Variants in CACNG3 observed in about 807,000 individuals in gnomAD.
CACNG3 encodes the protein voltage-dependent calcium channel gamma-3 subunit.
A neutral mutation model predicts 28.5 loss-of-function variants in CACNG3; 3 were observed. The observed-to-expected ratio is 0.11, with a 90% CI of 0.05 to 0.27. The LOEUF (loss-of-function observed/expected upper bound fraction) is 0.27. Ranked by LOEUF, CACNG3 falls within the 10% of genes least tolerant of loss-of-function variation. CACNG3 has a pLI of 1.00. For missense variants in CACNG3, 236 were observed against 414.4 expected, an observed-to-expected ratio of 0.57 and a Z score of 3.74; for synonymous variants, 174 against 162.2, an observed-to-expected ratio of 1.07 and a Z score of -0.55.
intron 1 of CACNG3, among the ~76,000 whole-genome samples, chr16:24,257,950 G>A (rs991953554): frequency 1.3e-5 from 2 of 152,156 alleles, no homozygotes; most frequent in Non-Finnish European, 2.9e-5. Flanking sequence ...GAAAGATAAG[G>A]AAGAAAATCA....
chr16:24,295,230 C>A (rs7198576), intron 1 of CACNG3, among the ~76,000 whole-genome samples: 119,708 of 152,108 alleles, frequency 0.79, 47,748 homozygotes, highest in African/African-American at 0.93. Context: ...ACTGGAGCCC[C>A]GATGTACTTC....
chr16:24,301,133 C>G (rs1187960248), intron 1 of CACNG3, among the ~76,000 whole-genome samples: 1 of 150,764 alleles, frequency 6.6e-6, no homozygotes, highest in Non-Finnish European at 1.5e-5. Flanking sequence ...ATCACTTGAA[C>G]CCAGGAGGCA....
intron 1 of CACNG3, among the ~76,000 whole-genome samples, chr16:24,332,059 G>A (rs970038114): frequency 2.0e-5 from 3 of 152,092 alleles, no homozygotes; most frequent in Non-Finnish European, 4.4e-5. Flanking sequence ...ATCTCTCTCT[G>A]GTAGAATATA....
chr16:24,346,324 C>A (rs1003705506), intron 1 of CACNG3, among the ~76,000 whole-genome samples: 1 of 152,130 alleles, frequency 6.6e-6, no homozygotes. Flanking sequence ...GTAATCCTAG[C>A]ACTTTGGGAG....
At chr16:24,307,079 T>G (rs1596636229) in intron 1 of CACNG3, among the ~76,000 whole-genome samples, 1 of 152,106 alleles carries the variant, frequency 6.6e-6, no homozygotes, top group Admixed American at 6.6e-5. Context: ...GGTATAGAGG[T>G]TCATCTAGCT....
chr16:24,328,209 C>G (rs151186316), intron 1 of CACNG3, among the ~76,000 whole-genome samples: 1 of 151,996 alleles, frequency 6.6e-6, no homozygotes, highest in African/African-American at 2.4e-5. Context: ...ATGGCATCAG[C>G]CTGGGGACAT....
intron 1 of CACNG3, among the ~76,000 whole-genome samples, chr16:24,300,726 G>A (rs372789725): frequency 3.6e-4 from 55 of 151,922 alleles, no homozygotes; most frequent in African/African-American, 1.3e-3. Flanking sequence ...GACCAGCCTG[G>A]CCAACATGGC....
At position 24,309,094 on chromosome 16, in the gene CACNG3, G is replaced by A. The variant is rs376636317; in HGVS notation, c.212-37640G>A. Reference sequence around the variant, plus strand: ...GTTACACAGCTAATAAAGCAGTGGCGGCTGGCTCTGAGTGCAGGCACTTAA... The same window carrying A: ...GTTACACAGCTAATAAAGCAGTGGCAGCTGGCTCTGAGTGCAGGCACTTAA... On this transcript the variant is annotated intron_variant, in intron 1 of 3. Transcript: ENST00000005284. 1.4e-4 allele frequency among the ~76,000 whole-genome samples: 21 copies of A among 152,174 alleles called. 1 individual carries two copies. The South Asian group carries it at 1.5e-3, about 11-fold the overall frequency.
At position 24,354,829 on chromosome 16, in the gene CACNG3, G is replaced by A. The variant is rs577456866; in HGVS notation, c.296-4G>A. On this transcript the variant is annotated splice_polypyrimidine_tract_variant and splice_region_variant and intron_variant, in intron 2 of 3. Coordinates refer to ENST00000005284, the MANE Select transcript of CACNG3 (RefSeq NM_006539.4). ...GGCAGAAGCCTCTCTCCTTCTCTCC[G>A]CAGGAGCTGTGAGGGCCTCCAGTGT... 181 of 1,611,738 alleles carry A rather than the reference G, an allele frequency of 1.1e-4. No homozygotes were observed. In the East Asian group the frequency reaches 3.5e-3, roughly 31 times the overall value.
intron 1 of CACNG3, among the ~76,000 whole-genome samples, chr16:24,282,362 C>T (rs1005578373): frequency 2.6e-5 from 4 of 152,074 alleles, no homozygotes; most frequent in East Asian, 1.9e-4. Context: ...GCGGGCTAAT[C>T]CTCCACCCAC....
chr16:24,321,953 G>T (rs1899466219), intron 1 of CACNG3, among the ~76,000 whole-genome samples: 1 of 152,216 alleles, frequency 6.6e-6, no homozygotes, highest in African/African-American at 2.4e-5. Context: ...ACTATTCGCA[G>T]TTTCAGACAT....
Position 24,312,955 on chromosome 16 carries a change from G to GAAAGAAAGAAAGAAAGAAAGAGAA in CACNG3, c.212-33778_212-33777insAAGAAAGAAAGAAAGAAAGAGAAA, listed in dbSNP as rs376780380. Among the ~76,000 whole-genome samples, 1,100 of 110,784 alleles carry GAAAGAAAGAAAGAAAGAAAGAGAA rather than the reference G, an allele frequency of 9.9e-3. 14 individuals are homozygous for GAAAGAAAGAAAGAAAGAAAGAGAA. Among genetic ancestry groups the GAAAGAAAGAAAGAAAGAAAGAGAA allele is most frequent in the Middle Eastern group, 0.026 (5 of 192 alleles). 72.7% of individuals were successfully genotyped at this position (110,784 alleles called of 152,430 possible). On this transcript the variant is annotated intron_variant, in intron 1 of 3. Transcript: ENST00000005284. Reference sequence around the variant, plus strand: ...AGAAAGAAAGAAAGAAAGAAAGAAAGAGAAAGAAAGAAAAGAAAGAAAGAA... The same window carrying GAAAGAAAGAAAGAAAGAAAGAGAA: ...AGAAAGAAAGAAAGAAAGAAAGAAAGAAAGAAAGAAAGAAAGAAAGAGAAAGAAAGAAAGAAAAGAAAGAAAGAA...
intron 1 of CACNG3, among the ~76,000 whole-genome samples, chr16:24,308,012 C>G (rs2141363131): frequency 6.6e-6 from 1 of 152,252 alleles, no homozygotes; most frequent in East Asian, 1.9e-4. Context: ...TGTGCTCTCT[C>G]ATCTGCATCT....
intron 1 of CACNG3, among the ~76,000 whole-genome samples, chr16:24,263,157 A>C (rs983712569): frequency 6.6e-6 from 1 of 152,220 alleles, no homozygotes; most frequent in African/African-American, 2.4e-5. Context: ...GTAGATGTGC[A>C]TGTGATTTTC....
chr16:24,297,783 C>A (rs1010692324), intron 1 of CACNG3, among the ~76,000 whole-genome samples: 1 of 152,152 alleles, frequency 6.6e-6, no homozygotes, highest in African/African-American at 2.4e-5. Flanking sequence ...ATCTCTCCAC[C>A]CCATGTGAGC....
At chr16:24,306,446 A>G (rs77032748) in intron 1 of CACNG3, among the ~76,000 whole-genome samples, 165 of 152,336 alleles carry the variant, frequency 1.1e-3, no homozygotes, top group African/African-American at 3.5e-3. Context: ...ACCCCAAAAG[A>G]CAGGGGACGC....
chr16:24,267,618 A>G (rs1394518477), intron 1 of CACNG3, among the ~76,000 whole-genome samples: 1 of 151,548 alleles, frequency 6.6e-6, no homozygotes, highest in Non-Finnish European at 1.5e-5. Flanking sequence ...CTAATACTTA[A>G]CAAACACCTT....
At chr16:24,334,777 G>A (rs1034790971) in intron 1 of CACNG3, among the ~76,000 whole-genome samples, 1 of 152,246 alleles carries the variant, frequency 6.6e-6, no homozygotes, top group African/African-American at 2.4e-5. Context: ...TGGCATGGCA[G>A]GTTGGTCTAG....
rs149325658 is a variant in CACNG3, at chr16:24,313,232, T to C, written c.212-33502T>C. Among the ~76,000 whole-genome samples the C allele has an allele frequency of 5.4e-3, 818 of 152,338 alleles. 3 individuals carry two copies. Among genetic ancestry groups the C allele is most frequent in the Admixed American group, 5.3e-3 (81 of 15,308 alleles). On this transcript the variant is annotated intron_variant, in intron 1 of 3. Transcript: ENST00000005284. Reference sequence around the variant, plus strand: ...AAACATTCACTATTCCAAGAACTTTTTATAGTGAACTCCTTTATTTCTCAA... The same window carrying C: ...AAACATTCACTATTCCAAGAACTTTCTATAGTGAACTCCTTTATTTCTCAA...
Sources: allele counts gnomAD v4.1 joint callset (sites outside exome capture counted in the v4.1 genomes callset), GRCh38; gene constraint gnomAD v4.1.1; transcripts MANE v1.5; gene names NCBI Gene and HGNC (gene_info 2026-07-23, HGNC 2026-07-21).